RRM2B: variants seen among roughly 807,000 people sequenced by gnomAD.
RRM2B encodes the protein ribonucleoside-diphosphate reductase subunit M2 B.
In RRM2B, 20 loss-of-function variants were observed where a neutral mutation model predicts 45.9. That is an observed-to-expected ratio of 0.44 (90% CI 0.31 to 0.63). RRM2B has a LOEUF of 0.63. Ranked by LOEUF, RRM2B falls within the 30% of genes least tolerant of loss-of-function variation. The pLI is 0.09. For synonymous variants in RRM2B, 124 were observed against 132.3 expected (o/e 0.94, Z 0.43); for missense variants, 320 against 414.7 (o/e 0.77, Z 1.98).
In RRM2B at chr8:102,212,967, G is replaced by A. The variant is rs29000275; in HGVS notation, c.790-78C>T. Reference sequence around the variant, plus strand: ...TTTTCCAAATAGAAAGAGGACTTTCGTTTTATTTCTAAGACTGATTTTGTC... The same window carrying A: ...TTTTCCAAATAGAAAGAGGACTTTCATTTTATTTCTAAGACTGATTTTGTC... On this transcript the variant is annotated intron_variant, in intron 7 of 8. Coordinates refer to ENST00000251810, the MANE Select transcript of RRM2B (RefSeq NM_015713.5). 31,849 of 784,066 alleles carry A rather than the reference G, an allele frequency of 0.041. 903 individuals carry two copies. Among genetic ancestry groups the A allele is most frequent in the Admixed American group, 0.1 (5,070 of 49,758 alleles). The allele number at this position is 784,066 out of a possible 1,614,324, so 48.6% of individuals were successfully genotyped here.
chr8:102,213,495 C>T (rs531713494), intron 7 of RRM2B, among the ~76,000 whole-genome samples: 4 of 152,106 alleles, frequency 2.6e-5, no homozygotes, highest in South Asian at 2.1e-4. Context: ...ATACAAACTA[C>T]GCCTGTTAAA....
rs944555058 is a variant in RRM2B at position 102,224,271 on chromosome 8, T to G, written c.456-131A>C. On this transcript the variant is annotated intron_variant, in intron 4 of 8. Coordinates refer to ENST00000251810, the MANE Select transcript of RRM2B (RefSeq NM_015713.5). The stretch of plus-strand genomic sequence containing the variant: ...ATCTCGGCTCACTGCAAGCTCCACC[T>G]CCCGGGTTCATGCCATTCTCCTGCC... 6 of 638,432 alleles carry G rather than the reference T, an allele frequency of 9.4e-6. No homozygotes were observed. In the African/African-American group the frequency reaches 1.1e-4, roughly 12 times the overall value. 39.5% of individuals were successfully genotyped at this position (638,432 alleles called of 1,614,324 possible).
rs28999677 is a variant in RRM2B at position 102,236,426 on chromosome 8, T to C, written c.48+2401A>G. ...CGTATAGGATTAATTGATAAAAAAC[T>C]AGATTTTGCAAGCAACTAAGGAACC... On this transcript the variant is annotated intron_variant, in intron 1 of 8. Transcript: ENST00000251810. 6.4e-3 allele frequency among the ~76,000 whole-genome samples: 974 copies of C among 152,240 alleles called. 4 individuals are homozygous for C. The highest frequency in any genetic ancestry group is 9.0e-3 in the Non-Finnish European group (613 of 68,000).
intron 1 of RRM2B, among the ~76,000 whole-genome samples, chr8:102,232,693 GA>G (rs1261726979): frequency 6.8e-6 from 1 of 147,410 alleles, no homozygotes; most frequent in Non-Finnish European, 1.5e-5. Flanking sequence ...CTAAGTTTGT[GA>G]ACAAAATGTC....
intron 6 of RRM2B, among the ~76,000 whole-genome samples, chr8:102,217,178 C>T (rs187642046): frequency 6.6e-6 from 1 of 152,002 alleles, no homozygotes; most frequent in Admixed American, 6.6e-5. Flanking sequence ...GTGCTTAATG[C>T]CACAGAAAAA....
chr8:102,226,716 G>T (rs1182640602), intron 2 of RRM2B, among the ~76,000 whole-genome samples: 3 of 152,066 alleles, frequency 2.0e-5, no homozygotes, highest in African/African-American at 4.8e-5. Context: ...GTAACAACCT[G>T]AGTTTTGTTT....
Position 102,238,928 on chromosome 8 carries a change from A to G in RRM2B, c.-54T>C. 1 of 1,579,820 alleles carries G rather than the reference A, an allele frequency of 6.3e-7. No homozygotes were observed. The highest frequency in any genetic ancestry group is 8.6e-7 in the Non-Finnish European group (1 of 1,161,106). ...CTGAGGGAACTGAGCTCCTCAGGCC[A>G]CCTCCAACTACGACAGCACCCAGGT... On this transcript the variant is annotated 5_prime_UTR_variant, in exon 1 of 9. Transcript: ENST00000251810.
At chr8:102,226,109 A>G (rs1444192335) in intron 2 of RRM2B, 75 bp from the exon 3 acceptor site, 5 of 859,986 alleles carry the variant, frequency 5.8e-6, no homozygotes, top group South Asian at 1.3e-5. Context: ...ACTAACTTCT[A>G]TTGTTAAGTA....
intron 2 of RRM2B, among the ~76,000 whole-genome samples, chr8:102,227,816 A>T (rs1055176406): frequency 3.3e-5 from 5 of 152,148 alleles, no homozygotes; most frequent in African/African-American, 1.2e-4. Context: ...ATCCTGACAT[A>T]GCAGAGAGAG....
chr8:102,219,126 G>A (rs1218228197), intron 5 of RRM2B, 179 bp from the exon 6 acceptor site: 6 of 633,954 alleles, frequency 9.5e-6, no homozygotes, highest in African/African-American at 1.8e-5. Context: ...TACTGGAGCA[G>A]AAAGGTATGC....
At chr8:102,213,775 T>C (rs1304944635) in intron 7 of RRM2B, among the ~76,000 whole-genome samples, 1 of 151,962 alleles carries the variant, frequency 6.6e-6, no homozygotes, top group East Asian at 1.9e-4. Context: ...TAGCTGATCA[T>C]GGCATAAAAT....
chr8:102,224,240 G>C lies in RRM2B; in HGVS notation c.456-100C>G, dbSNP rs559451317. On this transcript the variant is annotated intron_variant, in intron 4 of 8. Transcript: ENST00000251810. ...TCTGTTGCCCAGGCTGGAGTGCAGT[G>C]GCACGATCTCGGCTCACTGCAAGCT... 130 of 785,706 alleles carry C rather than the reference G, an allele frequency of 1.7e-4. 1 individual carries two copies. In the African/African-American group the frequency reaches 1.9e-3, roughly 12 times the overall value. 48.7% of individuals were successfully genotyped at this position (785,706 alleles called of 1,614,324 possible).
chr8:102,237,358 T>C (rs2132568420), intron 1 of RRM2B, among the ~76,000 whole-genome samples: 1 of 152,326 alleles, frequency 6.6e-6, no homozygotes, highest in Admixed American at 6.5e-5. Context: ...TGGGGGGTTT[T>C]TTGTTTTTGT....
intron 8 of RRM2B, among the ~76,000 whole-genome samples, chr8:102,211,419 A>G (rs1230445636): frequency 6.6e-6 from 1 of 152,222 alleles, no homozygotes; most frequent in Admixed American, 6.5e-5. Flanking sequence ...ATTTACTCAG[A>G]TATTTTGAAG....
chr8:102,225,007 A>G lies in RRM2B; in HGVS notation c.333T>C (p.Phe111=). 7 of 1,614,078 alleles carry G rather than the reference A, an allele frequency of 4.3e-6. No homozygotes were observed. Among genetic ancestry groups the G allele is most frequent in the Non-Finnish European group, 5.9e-6 (7 of 1,179,988 alleles). The change falls in exon 4 of 9, where the codon TTT becomes TTC. Residue 111 remains phenylalanine (F), a synonymous_variant. Transcript: ENST00000251810. ...CCTCTGGAACCTGCACCTCCTGACT[A>G]AAGCGCTCCACCTAAGAAGATAAGG... The part of the protein sequence containing the change: ...GIVNENLVER[F]SQEVQVPEAR...
In RRM2B at chr8:102,225,974, T is replaced by C. The variant is rs952781976; in HGVS notation, c.265A>G (p.Ile89Val). ...GCAAAAAAGGCTAAGATGTGAGAGA[T>C]GAAGTACTTCTCATCTGCTTTAAGC... Reference protein sequence around the residue: ...NKLKADEKYFISHILAFFAAS... With the variant: ...NKLKADEKYFVSHILAFFAAS... Residue 89 changes from isoleucine to valine, a missense_variant, in exon 3 of 9, where the codon ATC (isoleucine) becomes GTC (valine). By Grantham distance (29) the Ile-to-Val change is conservative. Transcript: ENST00000251810. The C allele has an allele frequency of 1.2e-6, 2 of 1,613,072 alleles. No homozygotes were observed. Among genetic ancestry groups the C allele is most frequent in the Non-Finnish European group, 1.7e-6 (2 of 1,179,258 alleles).
Position 102,227,166 on chromosome 8 carries a change from T to A in RRM2B, c.205-1132A>T, listed in dbSNP as rs528257980. ...GGTGGCCAACAACCCAGTTTTTTTT[T>A]TAAAGCAGTTTATACATAGGTATGG... is the stretch of plus-strand genomic sequence containing the variant. On this transcript the variant is annotated intron_variant, in intron 2 of 8. Transcript: ENST00000251810. Among the ~76,000 whole-genome samples the A allele has an allele frequency of 4.6e-5, 7 of 152,258 alleles. No homozygotes were observed. The East Asian group carries it at 1.3e-3, about 29-fold the overall frequency.
At chr8:102,220,967 G>T (rs917929758) in intron 5 of RRM2B, among the ~76,000 whole-genome samples, 1 of 152,100 alleles carries the variant, frequency 6.6e-6, no homozygotes, top group East Asian at 1.9e-4. Context: ...GGGGAAAGTC[G>T]GATACATTTT....
intron 1 of RRM2B, 32 bp downstream of exon 1, chr8:102,238,795 G>A (rs772278000): frequency 6.2e-7 from 1 of 1,613,726 alleles, no homozygotes; most frequent in Admixed American, 1.7e-5. Flanking sequence ...GCGTGACTGC[G>A]GTGAGGGGGA....
Sources: gnomAD v4.1 joint callset for allele counts (sites outside exome capture counted in the v4.1 genomes callset) on GRCh38, gnomAD v4.1.1 for gene constraint, MANE v1.5 for transcripts, NCBI Gene and HGNC (gene_info 2026-07-23, HGNC 2026-07-21) for gene names.